The following ZBTB17 variants were observed in gnomAD, a reference collection of about 807,000 sequenced individuals.
ZBTB17 encodes the protein zinc finger and BTB domain-containing protein 17.
ZBTB17 carries 24 observed loss-of-function variants against 85.1 expected under a neutral mutation model. The observed-to-expected ratio is 0.28, with a 90% CI of 0.20 to 0.40. The LOEUF (loss-of-function observed/expected upper bound fraction) is 0.40, where lower values mean the gene tolerates loss of function less well. Among genes scored for constraint, ZBTB17 ranks in the 10% least tolerant of loss-of-function variants. ZBTB17 has a pLI of 1.00. For synonymous variants in ZBTB17, 464 were observed against 460.2 expected, an observed-to-expected ratio of 1.01 and a Z score of -0.11; for missense variants, 743 against 1,105.1, an observed-to-expected ratio of 0.67 and a Z score of 4.65.
At chr1:15,959,765 T>A (rs1357890498) in intron 2 of ZBTB17, among the ~76,000 whole-genome samples, 1 of 151,676 alleles carries the variant, frequency 6.6e-6, no homozygotes, top group Non-Finnish European at 1.5e-5. Flanking sequence ...AGAGCAAAAC[T>A]CTGTCAAAAA....
Position 15,944,454 on chromosome 1 carries a change from T to C in ZBTB17, c.1217A>G (p.Lys406Arg). Residue 406 changes from lysine (K) to arginine (R), a missense_variant, in exon 9 of 16, where the codon AAG (lysine) becomes AGG (arginine). Coordinates refer to ENST00000375743, the MANE Select transcript of ZBTB17 (RefSeq NM_003443.3). Reference protein sequence around the residue: ...GKLFTTSGNLKRHQLVHSGEK... With the variant: ...GKLFTTSGNLRRHQLVHSGEK... ...GCCGCTGTGCACCAGCTGGTGGCGCTTGAGGTTGCCCGAGGTGGTGAAGAG... is the reference window on the plus strand; with the variant it reads ...GCCGCTGTGCACCAGCTGGTGGCGCCTGAGGTTGCCCGAGGTGGTGAAGAG... 1 of 1,576,794 alleles carries C rather than the reference T, an allele frequency of 6.3e-7. No homozygotes were observed. The highest frequency in any genetic ancestry group is 8.6e-7 in the Non-Finnish European group (1 of 1,162,084).
chr1:15,944,269 C>T (rs779325761), intron 9 of ZBTB17, 31 bp downstream of exon 9: 20 of 1,548,376 alleles, frequency 1.3e-5, no homozygotes, highest in Non-Finnish European at 1.7e-5. Context: ...CGGCGGCTGC[C>T]AGGCGCTGGT....
chr1:15,942,982 T>TGGG (rs57569573), intron 13 of ZBTB17, 82 bp downstream of exon 13: 1 of 1,574,616 alleles, frequency 6.4e-7, no homozygotes, highest in African/African-American at 1.4e-5. Flanking sequence ...GGCTGGGGTC[T>TGGG]GGGGGGTCCC....
chr1:15,954,224 C>T (rs1357364723), intron 2 of ZBTB17, among the ~76,000 whole-genome samples: 1 of 152,162 alleles, frequency 6.6e-6, no homozygotes, highest in Admixed American at 6.5e-5. Context: ...TGCTAAGTGG[C>T]CCCAGAGAGC....
Position 15,953,748 on chromosome 1 carries a change from C to T in ZBTB17, c.-2-5251G>A, listed in dbSNP as rs577873759. ...CTGGATCTGGGTTCCACCAGCCACC[C>T]GCAGGTGATCTCCAGCAAAGCTTCT... On this transcript the variant is annotated intron_variant, in intron 2 of 15. Transcript: ENST00000375743. This position sits in a 1 kb window ranked among gnomAD's most constrained non-coding sequence, Gnocchi z 5.1. Among the ~76,000 whole-genome samples the T allele has an allele frequency of 5.3e-5, 8 of 152,328 alleles. No homozygotes were observed. Among genetic ancestry groups the T allele is most frequent in the East Asian group, 1.9e-4 (1 of 5,184 alleles).
intron 2 of ZBTB17, among the ~76,000 whole-genome samples, chr1:15,950,126 C>T (rs1346300697): frequency 6.6e-6 from 1 of 152,238 alleles, no homozygotes; most frequent in African/African-American, 2.4e-5. Context: ...AGGTAAGGCC[C>T]TGGGGCAGCT....
At chr1:15,942,977 G>C in intron 13 of ZBTB17, 87 bp downstream of exon 13, 1 of 1,555,558 alleles carries the variant, frequency 6.4e-7, no homozygotes, top group Non-Finnish European at 8.7e-7. Flanking sequence ...CCCGAGGCTG[G>C]GGTCTGGGGG....
Position 15,953,456 on chromosome 1 carries a change from G to A in ZBTB17, c.-2-4959C>T, listed in dbSNP as rs931017543. On this transcript the variant is annotated intron_variant, in intron 2 of 15. Transcript: ENST00000375743. The surrounding 1 kb of genome is among the most constrained non-coding windows in gnomAD (Gnocchi z 5.1). ...CACCAGGGCTGCCTTGAGGCCCAGC[G>A]TGGCAGCGAGGGTCAGAGGAGCTAA... Among the ~76,000 whole-genome samples, 1 of 152,248 alleles carries A rather than the reference G, an allele frequency of 6.6e-6. No individual in the cohort carries two copies. The highest frequency in any genetic ancestry group is 2.4e-5 in the African/African-American group (1 of 41,464).
intron 2 of ZBTB17, chr1:15,969,608 TG>T (rs2072568584): frequency 4.9e-6 from 2 of 408,732 alleles, no homozygotes; most frequent in South Asian, 1.8e-5. Context: ...CCTCGGAGGG[TG>T]GGGGGAGCAG....
At chr1:15,942,868 G>T (rs1404776689) in intron 13 of ZBTB17, 130 bp from the exon 14 acceptor site, 15 of 1,329,050 alleles carry the variant, frequency 1.1e-5, no homozygotes, top group East Asian at 5.0e-5. Context: ...TGGCTGCACG[G>T]GTGCCTCTGG....
intron 2 of ZBTB17, among the ~76,000 whole-genome samples, chr1:15,967,292 C>T (rs561110321): frequency 9.3e-4 from 141 of 151,970 alleles, no homozygotes; most frequent in African/African-American, 3.3e-3. Context: ...AGGAAGATCG[C>T]TTGAGCCAGG....
At position 15,942,196 on chromosome 1, in the gene ZBTB17, C is replaced by A; in HGVS notation, c.2185G>T (p.Ala729Ser). 6.2e-7 allele frequency: 1 copy of A among 1,613,816 alleles called. No individual in the cohort carries two copies. Among genetic ancestry groups the A allele is most frequent in the South Asian group, 1.1e-5 (1 of 91,088 alleles). ...CGCACATGCTGAGCCAGGCTGTTGG[C>A]ATCCAGAAACTTGTCCCCACAGGAG... ...CDSCGDKFLD[A>S]NSLAQHVRIH... Residue 729 changes from alanine (A) to serine (S), a missense_variant, in exon 16 of 16, where the codon GCC becomes TCC. Physicochemically the swap from Ala to Ser is moderately conservative, Grantham distance 99. Transcript: ENST00000375743.
intron 2 of ZBTB17, among the ~76,000 whole-genome samples, chr1:15,949,519 G>A (rs984480886): frequency 1.3e-5 from 2 of 152,248 alleles, no homozygotes; most frequent in Admixed American, 1.3e-4. Flanking sequence ...CCCTGGCCCA[G>A]GATCTGCTAA....
intron 13 of ZBTB17, 35 bp downstream of exon 13, chr1:15,943,029 G>A: frequency 6.2e-7 from 1 of 1,610,592 alleles, no homozygotes; most frequent in South Asian, 1.1e-5. Flanking sequence ...AGCAGGGCCT[G>A]GGAAGGAACA....
At chr1:15,945,962 C>T in intron 5 of ZBTB17, 122 bp from the exon 6 acceptor site, 2 of 1,555,700 alleles carry the variant, frequency 1.3e-6, no homozygotes, top group Non-Finnish European at 1.7e-6. Flanking sequence ...CCAGCACACC[C>T]CTAGCCAAGG....
chr1:15,957,763 A>G (rs1471093606), intron 2 of ZBTB17, among the ~76,000 whole-genome samples: 1 of 152,160 alleles, frequency 6.6e-6, no homozygotes, highest in Non-Finnish European at 1.5e-5. Context: ...GGCAGAGCCA[A>G]CACCATTAGC....
rs1226565794 is a variant in ZBTB17 at position 15,973,489 on chromosome 1, G to A, written c.-89-364C>T. Among the ~76,000 whole-genome samples, 1 of 152,224 alleles carries A rather than the reference G, an allele frequency of 6.6e-6. No homozygotes were observed. Among genetic ancestry groups the A allele is most frequent in the Non-Finnish European group, 1.5e-5 (1 of 68,046 alleles). Reference sequence around the variant, plus strand: ...TCTCATTGCATACCCTACCCTAGGTGAGCTCATCCCCTCCCATGACTTCAG... The same window carrying A: ...TCTCATTGCATACCCTACCCTAGGTAAGCTCATCCCCTCCCATGACTTCAG... On this transcript the variant is annotated intron_variant, in intron 1 of 15. Transcript: ENST00000375743. This position sits in a 1 kb window ranked among gnomAD's most constrained non-coding sequence, Gnocchi z 4.1.
intron 2 of ZBTB17, among the ~76,000 whole-genome samples, chr1:15,957,981 GT>G (rs950693862): frequency 1.3e-5 from 2 of 152,150 alleles, no homozygotes; most frequent in Non-Finnish European, 1.5e-5. Flanking sequence ...AAGCCACAAG[GT>G]GGAACAAGAT....
Position 15,953,663 on chromosome 1 carries a change from T to A in ZBTB17, c.-2-5166A>T, listed in dbSNP as rs2071945197. On this transcript the variant is annotated intron_variant, in intron 2 of 15. Transcript: ENST00000375743. The surrounding 1 kb of genome is among the most constrained non-coding windows in gnomAD (Gnocchi z 5.1). Reference sequence around the variant, plus strand: ...ACTGCTGCCTCCACGACGCAGGGATTCCAGTGGCGGCTGAGCCCCATGGAA... The same window carrying A: ...ACTGCTGCCTCCACGACGCAGGGATACCAGTGGCGGCTGAGCCCCATGGAA... Among the ~76,000 whole-genome samples the A allele has an allele frequency of 6.6e-6, 1 of 152,170 alleles. No homozygotes were observed. The highest frequency in any genetic ancestry group is 1.5e-5 in the Non-Finnish European group (1 of 68,032).
Sources: gnomAD v4.1 joint callset for allele counts (sites outside exome capture counted in the v4.1 genomes callset) on GRCh38, gnomAD v4.1.1 for gene constraint, Gnocchi (gnomAD v3.1) non-coding constraint, MANE v1.5 for transcripts, NCBI Gene and HGNC (gene_info 2026-07-23, HGNC 2026-07-21) for gene names.